Variants in NCEH1 observed in about 807,000 individuals in gnomAD.
The protein encoded by NCEH1 is 2-acetyl MAGE hydrolase.
In NCEH1, 9 loss-of-function variants were observed where a neutral mutation model predicts 25.4. That is an observed-to-expected ratio of 0.35 (90% CI 0.21 to 0.62). The LOEUF is 0.62. Ranked by LOEUF, NCEH1 falls within the 20% of genes least tolerant of loss-of-function variation. The pLI is 0.72. For missense variants in NCEH1, 412 were observed against 501.1 expected, an observed-to-expected ratio of 0.82 and a Z score of 1.70; for synonymous variants, 200 against 199.8, an observed-to-expected ratio of 1.00 and a Z score of -0.01.
intron 3 of NCEH1, among the ~76,000 whole-genome samples, chr3:172,641,772 C>T (rs1364352363): frequency 2.0e-5 from 3 of 152,202 alleles, no homozygotes; most frequent in Non-Finnish European, 2.9e-5. Flanking sequence ...CCCTCCCAAG[C>T]CCTCTTACTA....
chr3:172,703,171 G>C (rs1301859438), intron 1 of NCEH1: 1 of 152,098 alleles, frequency 6.6e-6, no homozygotes, highest in Admixed American at 6.5e-5. Flanking sequence ...AGTTCAGAGA[G>C]GACTAGCATG....
chr3:172,641,834 C>T (rs1167103148), intron 3 of NCEH1, among the ~76,000 whole-genome samples: 1 of 152,188 alleles, frequency 6.6e-6, no homozygotes, highest in Non-Finnish European at 1.5e-5. Context: ...AGGTTCTGCT[C>T]ATTCTTAGGG....
chr3:172,660,364 C>G (rs1717917607), intron 1 of NCEH1, among the ~76,000 whole-genome samples: 1 of 152,146 alleles, frequency 6.6e-6, no homozygotes, highest in African/African-American at 2.4e-5. Context: ...TTTTCTTAAT[C>G]CAGTCTATCA....
rs953212984 is a variant in NCEH1, at chr3:172,704,109, C to T, written c.138+6738G>A. On this transcript the variant is annotated intron_variant, in intron 1 of 4. Transcript: ENST00000475381. Reference sequence around the variant, plus strand: ...ACTGTTATGAAAGAGATTATTAGCACGTTGAAGTTCTGCACAGTTTCCAGC... The same window carrying T: ...ACTGTTATGAAAGAGATTATTAGCATGTTGAAGTTCTGCACAGTTTCCAGC... Among the ~76,000 whole-genome samples, 9 of 152,150 alleles carry T rather than the reference C, an allele frequency of 5.9e-5. 1 individual carries two copies. In the South Asian group the frequency reaches 8.3e-4, roughly 14 times the overall value.
intron 1 of NCEH1, among the ~76,000 whole-genome samples, chr3:172,657,946 G>A (rs966419747): frequency 6.6e-6 from 1 of 152,172 alleles, no homozygotes; most frequent in African/African-American, 2.4e-5. Context: ...TTTGTCAGAG[G>A]TATGTGACCC....
intron 1 of NCEH1, among the ~76,000 whole-genome samples, chr3:172,655,928 GAAAA>G (rs1250124208): frequency 6.6e-6 from 1 of 152,134 alleles, no homozygotes; most frequent in Non-Finnish European, 1.5e-5. Flanking sequence ...GAGGGAGTGA[GAAAA>G]AGAGAGAAAA....
At chr3:172,710,754 G>C (rs1714253696) in intron 1 of NCEH1, 93 bp downstream of exon 1, 1 of 1,449,444 alleles carries the variant, frequency 6.9e-7, no homozygotes, top group Non-Finnish European at 9.4e-7. Flanking sequence ...GGAAAAACCT[G>C]CGTTTTCGTG....
intron 3 of NCEH1, among the ~76,000 whole-genome samples, chr3:172,641,928 T>TTA (rs1338807978): frequency 6.6e-6 from 1 of 152,220 alleles, no homozygotes; most frequent in East Asian, 1.9e-4. Context: ...ATGTCTCTGT[T>TTA]ACTACTTGCC....
intron 1 of NCEH1, among the ~76,000 whole-genome samples, chr3:172,682,557 C>G (rs1242816631): frequency 6.6e-6 from 1 of 152,182 alleles, no homozygotes; most frequent in Non-Finnish European, 1.5e-5. Context: ...CAGCCTCTTT[C>G]TTTGGTCCCT....
At position 172,633,413 on chromosome 3, in the gene NCEH1, G is replaced by A; in HGVS notation, c.*62C>T. On this transcript the variant is annotated 3_prime_UTR_variant, in exon 5 of 5. Transcript: ENST00000475381. ...AGAATTAGTCAACTAAAAAGTGCAT[G>A]TCTTTCCAAAGCAGGTGTAGGAGGT... 3 of 1,502,444 alleles carry A rather than the reference G, an allele frequency of 2.0e-6. No homozygotes were observed. In the South Asian group the frequency reaches 3.8e-5, roughly 19 times the overall value. The allele number at this position is 1,502,444 out of a possible 1,614,324, so 93.1% of individuals were successfully genotyped here.
intron 1 of NCEH1, among the ~76,000 whole-genome samples, chr3:172,676,468 G>A (rs1315902765): frequency 6.6e-6 from 1 of 152,094 alleles, no homozygotes; most frequent in Non-Finnish European, 1.5e-5. Context: ...AATTTCGCCA[G>A]GTTTTTCACA....
intron 1 of NCEH1, among the ~76,000 whole-genome samples, chr3:172,708,964 T>G (rs1714155718): frequency 6.6e-6 from 1 of 152,208 alleles, no homozygotes; most frequent in Admixed American, 6.5e-5. Context: ...ATCATAATGA[T>G]CTTTCTGATA....
intron 1 of NCEH1, among the ~76,000 whole-genome samples, chr3:172,656,247 G>A (rs1287002050): frequency 6.6e-6 from 1 of 152,194 alleles, no homozygotes; most frequent in Non-Finnish European, 1.5e-5. Context: ...ACTTGAACGT[G>A]CTTCTTGGGA....
rs1355840851 is a variant in NCEH1, at chr3:172,657,601, C to T, written c.139-9487G>A. ...GCCTGCTAACTTGAATTCTAGATAA[C>T]AGTCTTTCTCTATAACTTGCTGCAT... On this transcript the variant is annotated intron_variant, in intron 1 of 4. Coordinates refer to ENST00000475381, the MANE Select transcript of NCEH1 (RefSeq NM_020792.6). Among the ~76,000 whole-genome samples the T allele has an allele frequency of 3.3e-5, 5 of 152,184 alleles. No homozygotes were observed. The East Asian group carries it at 9.6e-4, about 29-fold the overall frequency.
intron 1 of NCEH1, among the ~76,000 whole-genome samples, chr3:172,670,022 C>G (rs1339552525): frequency 4.6e-5 from 7 of 152,142 alleles, no homozygotes; most frequent in Non-Finnish European, 7.3e-5. Context: ...AATTACTATT[C>G]ATATTATAAT....
At chr3:172,690,718 T>C (rs1179692127) in intron 1 of NCEH1, among the ~76,000 whole-genome samples, 1 of 152,174 alleles carries the variant, frequency 6.6e-6, no homozygotes, top group Non-Finnish European at 1.5e-5. Flanking sequence ...ATGCATCCAT[T>C]ACAAAAGATG....
intron 1 of NCEH1, among the ~76,000 whole-genome samples, chr3:172,691,903 T>C (rs192440059): frequency 0.2 from 2,369 of 11,828 alleles, 70 homozygotes; most frequent in African/African-American, 0.44. Flanking sequence ...GCCGAGATCG[T>C]GCCACTGCAC....
intron 1 of NCEH1, among the ~76,000 whole-genome samples, chr3:172,668,982 A>C (rs953377180): frequency 7.2e-5 from 11 of 151,766 alleles, no homozygotes; most frequent in African/African-American, 2.7e-4. Context: ...CTACAGGCGC[A>C]TGCCACCACA....
At chr3:172,708,596 A>T (rs1333465927) in intron 1 of NCEH1, among the ~76,000 whole-genome samples, 1 of 152,142 alleles carries the variant, frequency 6.6e-6, no homozygotes, top group Non-Finnish European at 1.5e-5. Context: ...TGACCTCGTG[A>T]TCCACCCGCC....
Sources: allele counts gnomAD v4.1 joint callset (sites outside exome capture counted in the v4.1 genomes callset), GRCh38; gene constraint gnomAD v4.1.1; transcripts MANE v1.5; gene names NCBI Gene and HGNC (gene_info 2026-07-23, HGNC 2026-07-21).